THSD4: variants seen among roughly 807,000 people sequenced by gnomAD.
THSD4 encodes the protein thrombospondin type 1 domain containing 4.
In THSD4, 69 loss-of-function variants were observed where a neutral mutation model predicts 119.0. The ratio of observed to expected loss-of-function variants is 0.58; its 90% CI spans 0.48 to 0.71. The LOEUF (loss-of-function observed/expected upper bound fraction) is 0.71, where lower values mean the gene tolerates loss of function less well. Ranked by LOEUF, THSD4 falls within the 30% of genes least tolerant of loss-of-function variation. The pLI, the probability that THSD4 is intolerant of heterozygous loss-of-function variation, is 0.00. For missense variants in THSD4, 1,393 were observed against 1,391.1 expected (o/e 1.00, Z -0.02); for synonymous variants, 524 against 540.4 (o/e 0.97, Z 0.42).
At chr15:71,109,210 C>A (rs912392121) in intron 1 of THSD4, among the ~76,000 whole-genome samples, 1 of 152,082 alleles carries the variant, frequency 6.6e-6, no homozygotes, top group Non-Finnish European at 1.5e-5. Flanking sequence ...CTCATCCTAC[C>A]CAAGTCAACA....
At chr15:71,249,722 C>T (rs373319071) in intron 5 of THSD4, among the ~76,000 whole-genome samples, 12 of 152,258 alleles carry the variant, frequency 7.9e-5, no homozygotes, top group African/African-American at 2.6e-4. Context: ...CATGTATATC[C>T]TTGTCTGTCT....
intron 3 of THSD4, among the ~76,000 whole-genome samples, chr15:71,205,094 C>A (rs2043832759): frequency 6.6e-6 from 1 of 152,088 alleles, no homozygotes; most frequent in African/African-American, 2.4e-5. Context: ...CTGGGCCTTT[C>A]CCCAGAGGTT....
At chr15:71,311,737 A>C (rs1327417865) in intron 6 of THSD4, among the ~76,000 whole-genome samples, 1 of 152,210 alleles carries the variant, frequency 6.6e-6, no homozygotes, top group Non-Finnish European at 1.5e-5. Flanking sequence ...CCATCTACCC[A>C]TTGCTCAAGC....
chr15:71,190,081 C>T (rs4777338), intron 3 of THSD4, among the ~76,000 whole-genome samples: 82,026 of 151,678 alleles, frequency 0.54, 24,648 homozygotes, highest in Middle Eastern at 0.68. Flanking sequence ...ATCCCCCCTT[C>T]CTCGAAACCT....
rs72267245 is a variant in THSD4 at position 71,762,150 on chromosome 15, A to AACACACACAC, written c.2590-2850_2590-2841dup. ...AAATGCTGTCTCATGCGCGTGTGCA[A>AACACACACAC]ACACACACACACACACACACACACA... On this transcript the variant is annotated intron_variant, in intron 15 of 17. Transcript: ENST00000261862. 5.7e-3 allele frequency among the ~76,000 whole-genome samples: 645 copies of AACACACACAC among 112,304 alleles called. 5 individuals are homozygous for AACACACACAC. Among genetic ancestry groups the AACACACACAC allele is most frequent in the African/African-American group, 0.015 (606 of 39,256 alleles). 73.7% of individuals were successfully genotyped at this position (112,304 alleles called of 152,430 possible).
At chr15:71,694,023 AAAAGAAAGAAAG>A (rs544273960) in intron 8 of THSD4, among the ~76,000 whole-genome samples, 3 of 151,978 alleles carry the variant, frequency 2.0e-5, no homozygotes, top group African/African-American at 7.2e-5. Context: ...TCAAAAAAAA[AAAAGAAAGAAAG>A]AAAGAAAGAA....
chr15:71,546,239 T>C (rs2048835387), intron 7 of THSD4, among the ~76,000 whole-genome samples: 1 of 152,052 alleles, frequency 6.6e-6, no homozygotes, highest in Admixed American at 6.6e-5. Context: ...TTCCAGGACC[T>C]CAGGGTGTTT....
At chr15:71,774,622 G>A (rs6494967) in intron 17 of THSD4, among the ~76,000 whole-genome samples, 111,214 of 151,836 alleles carry the variant, frequency 0.73, 41,416 homozygotes, top group African/African-American at 0.82. Flanking sequence ...AAATGTACAG[G>A]GGCACACACA....
At chr15:71,558,253 A>G (rs1044757248) in intron 7 of THSD4, among the ~76,000 whole-genome samples, 18 of 152,268 alleles carry the variant, frequency 1.2e-4, no homozygotes, top group Non-Finnish European at 1.3e-4. Context: ...GCTTGAACCC[A>G]GGAGGTGGAG....
At chr15:71,354,257 T>C (rs1448921616) in intron 6 of THSD4, among the ~76,000 whole-genome samples, 1 of 152,202 alleles carries the variant, frequency 6.6e-6, no homozygotes, top group Non-Finnish European at 1.5e-5. Flanking sequence ...CGCCTGCCAC[T>C]GTACTCCAGC....
intron 7 of THSD4, among the ~76,000 whole-genome samples, chr15:71,489,425 T>A (rs2047877116): frequency 6.6e-6 from 1 of 152,124 alleles, no homozygotes; most frequent in Non-Finnish European, 1.5e-5. Flanking sequence ...ATTGCATAAA[T>A]CTCAGGCCGA....
chr15:71,723,478 T>G (rs1460974815), intron 8 of THSD4, among the ~76,000 whole-genome samples: 1 of 152,242 alleles, frequency 6.6e-6, no homozygotes, highest in Non-Finnish European at 1.5e-5. Flanking sequence ...TATTATTCTT[T>G]GCTTTTCTTT....
At chr15:71,140,068 T>C (rs1217137015) in intron 1 of THSD4, among the ~76,000 whole-genome samples, 18 of 152,394 alleles carry the variant, frequency 1.2e-4, no homozygotes, top group African/African-American at 4.3e-4. Context: ...GTAGTATTTA[T>C]GGGCGAGAGA....
At chr15:71,164,537 C>A (rs1232698879) in intron 3 of THSD4, among the ~76,000 whole-genome samples, 1 of 152,068 alleles carries the variant, frequency 6.6e-6, no homozygotes, top group Non-Finnish European at 1.5e-5. Flanking sequence ...TGCCAATTTA[C>A]AACCCCCATA....
At chr15:71,608,138 G>A (rs2050146049) in intron 7 of THSD4, among the ~76,000 whole-genome samples, 1 of 150,392 alleles carries the variant, frequency 6.6e-6, no homozygotes, top group Non-Finnish European at 1.5e-5. Flanking sequence ...CAGGAGAATT[G>A]TTTGAACCCG....
upstream of THSD4, chr15:71,112,298 G>A (rs1434468021): frequency 1.1e-5 from 16 of 1,451,142 alleles, no homozygotes; most frequent in Non-Finnish European, 1.5e-5. Flanking sequence ...AACTTAACTA[G>A]GACAAGAGAA....
chr15:71,653,077 A>C (rs906503402), intron 7 of THSD4, among the ~76,000 whole-genome samples: 9 of 152,268 alleles, frequency 5.9e-5, no homozygotes, highest in African/African-American at 2.2e-4. Context: ...TGTAACTTTG[A>C]TCTTTTGATT....
intron 6 of THSD4, among the ~76,000 whole-genome samples, chr15:71,384,934 G>T (rs1166939414): frequency 6.6e-6 from 1 of 152,210 alleles, no homozygotes; most frequent in Non-Finnish European, 1.5e-5. Flanking sequence ...CTTAGCCAAT[G>T]ATTTTTCTTT....
At chr15:71,483,908 C>A (rs988553129) in intron 7 of THSD4, among the ~76,000 whole-genome samples, 5 of 152,080 alleles carry the variant, frequency 3.3e-5, no homozygotes, top group African/African-American at 1.2e-4. Context: ...CCATGTGTGT[C>A]CCTGTAAAGG....
Sources: allele counts gnomAD v4.1 joint callset (sites outside exome capture counted in the v4.1 genomes callset), GRCh38; gene constraint gnomAD v4.1.1; transcripts MANE v1.5; gene names NCBI Gene and HGNC (gene_info 2026-07-23, HGNC 2026-07-21).